The following ANKFN1 variants were observed in gnomAD, a reference collection of about 807,000 sequenced individuals.
ANKFN1 encodes ankyrin repeat and fibronectin type III domain containing 1, also known as ankyrin repeat and fibronectin type-III domain-containing protein 1.
A neutral mutation model predicts 108.7 loss-of-function variants in ANKFN1; 74 were observed. The ratio of observed to expected loss-of-function variants is 0.68; its 90% CI spans 0.56 to 0.83. ANKFN1 has a LOEUF of 0.83. ANKFN1 is among the 40% of genes least tolerant of loss of function. The probability of loss-of-function intolerance (pLI) is 0.00; values close to 1 mark genes in which losing one functional copy is unlikely to be tolerated. For missense variants in ANKFN1, 1,505 were observed against 1,382.3 expected, an observed-to-expected ratio of 1.09 and a Z score of -1.41; for synonymous variants, 547 against 516.2, an observed-to-expected ratio of 1.06 and a Z score of -0.81.
intron 3 of ANKFN1, among the ~76,000 whole-genome samples, chr17:56,291,958 T>C (rs1226106847): frequency 1.3e-5 from 2 of 152,194 alleles, no homozygotes; most frequent in Non-Finnish European, 2.9e-5. Flanking sequence ...CTAAAGTTTA[T>C]GACAAATTTT....
intron 8 of ANKFN1, among the ~76,000 whole-genome samples, chr17:56,388,297 C>T (rs970880403): frequency 2.6e-5 from 4 of 152,010 alleles, no homozygotes; most frequent in African/African-American, 9.7e-5. Flanking sequence ...TAGGTGCACA[C>T]TACCACTGCC....
At chr17:56,327,949 C>A (rs1226282680) in intron 4 of ANKFN1, among the ~76,000 whole-genome samples, 1 of 152,038 alleles carries the variant, frequency 6.6e-6, no homozygotes. Flanking sequence ...GATACATGTC[C>A]CTTCCCTCAT....
At chr17:56,382,783 C>A (rs1289193172) in intron 8 of ANKFN1, among the ~76,000 whole-genome samples, 2 of 152,144 alleles carry the variant, frequency 1.3e-5, no homozygotes, top group East Asian at 3.9e-4. Flanking sequence ...AGCTAACTCT[C>A]CTAAATATAT....
At chr17:56,508,958 A>C (rs2051658720) in intron 20 of ANKFN1, among the ~76,000 whole-genome samples, 1 of 152,316 alleles carries the variant, frequency 6.6e-6, no homozygotes, top group East Asian at 1.9e-4. Flanking sequence ...CTGCCCCAAG[A>C]GTAATTAAAT....
chr17:56,188,581 G>GTGTGTGTGTGTGTATA (rs1212242378), intron 1 of ANKFN1, among the ~76,000 whole-genome samples: 2 of 49,648 alleles, frequency 4.0e-5, no homozygotes, highest in African/African-American at 2.0e-4. Flanking sequence ...GTGTGTGTGT[G>GTGTGTGTGTGTGTATA]TATATATATA....
intron 3 of ANKFN1, chr17:56,323,647 G>A (rs932558718): frequency 1.3e-5 from 2 of 152,266 alleles, no homozygotes; most frequent in African/African-American, 4.8e-5. Flanking sequence ...GACATACCAA[G>A]AGAACTTTAA....
intron 4 of ANKFN1, among the ~76,000 whole-genome samples, chr17:56,088,300 G>T (rs1300890128): frequency 6.6e-6 from 1 of 151,264 alleles, no homozygotes; most frequent in Non-Finnish European, 1.5e-5. Context: ...AATTTTAGAG[G>T]AATGAGGAGG....
chr17:56,480,581 A>G, intron 16 of ANKFN1, 87 bp from the exon 17 acceptor site: 1 of 1,381,206 alleles, frequency 7.2e-7, no homozygotes, highest in South Asian at 1.3e-5. Context: ...TTGGTTATCC[A>G]GGTTCTGGAC....
At chr17:56,363,611 G>A (rs11079225) in intron 6 of ANKFN1, among the ~76,000 whole-genome samples, 82,965 of 152,076 alleles carry the variant, frequency 0.55, 27,180 homozygotes, top group East Asian at 0.95. Flanking sequence ...TCAAAGAGAT[G>A]TCTGCACTTC....
intron 8 of ANKFN1, among the ~76,000 whole-genome samples, chr17:56,389,078 T>C (rs1205632753): frequency 6.7e-6 from 1 of 150,096 alleles, no homozygotes; most frequent in Admixed American, 6.6e-5. Flanking sequence ...CCCAGAAAAA[T>C]GAAAGTTTAC....
chr17:56,085,948 A>T (rs1419834899), intron 4 of ANKFN1, among the ~76,000 whole-genome samples: 2 of 151,448 alleles, frequency 1.3e-5, no homozygotes, highest in Non-Finnish European at 3.0e-5. Context: ...TTGTTAGAAG[A>T]TGCAAAAGAA....
At chr17:56,360,113 A>C (rs1270228776) in intron 6 of ANKFN1, among the ~76,000 whole-genome samples, 2 of 152,316 alleles carry the variant, frequency 1.3e-5, no homozygotes, top group East Asian at 3.9e-4. Context: ...AGCCTTAGAC[A>C]GGTCTCTATA....
chr17:56,205,915 C>G (rs1207387938), intron 1 of ANKFN1, among the ~76,000 whole-genome samples: 1 of 152,142 alleles, frequency 6.6e-6, no homozygotes, highest in Non-Finnish European at 1.5e-5. Flanking sequence ...CTTTCCTCTT[C>G]ATACATCCTC....
intron 4 of ANKFN1, among the ~76,000 whole-genome samples, chr17:56,091,444 A>G (rs1343946810): frequency 6.6e-6 from 1 of 150,508 alleles, no homozygotes; most frequent in East Asian, 1.9e-4. Context: ...ACACACACAC[A>G]CACACACACA....
At chr17:56,217,691 A>G (rs1915520548) in intron 2 of ANKFN1, among the ~76,000 whole-genome samples, 1 of 150,472 alleles carries the variant, frequency 6.6e-6, no homozygotes, top group Non-Finnish European at 1.5e-5. Context: ...TTATTTTCCC[A>G]CTGTTATGAG....
intron 3 of ANKFN1, among the ~76,000 whole-genome samples, chr17:56,229,576 T>C (rs1264353937): frequency 1.4e-5 from 2 of 147,148 alleles, no homozygotes; most frequent in African/African-American, 5.1e-5. Flanking sequence ...TTTAAGTCAC[T>C]ATATGTAAAT....
At chr17:56,309,612 A>G (rs1567903205) in intron 3 of ANKFN1, among the ~76,000 whole-genome samples, 2 of 152,122 alleles carry the variant, frequency 1.3e-5, no homozygotes, top group South Asian at 4.1e-4. Flanking sequence ...TTGTGGTACA[A>G]TGGTGCCCTT....
chr17:56,350,883 G>A lies in ANKFN1; in HGVS notation c.306G>A (p.Glu102=), dbSNP rs1273376120. The A allele has an allele frequency of 1.2e-6, 2 of 1,613,798 alleles. No homozygotes were observed. Among genetic ancestry groups the A allele is most frequent in the Admixed American group, 3.3e-5 (2 of 59,938 alleles). Residue 102 remains glutamate, a synonymous_variant, in exon 5 of 21, where the codon GAG becomes GAA. Transcript: ENST00000682825. ...AAKRLYRNLS[E]KLKGSHSSFD... is the part of the protein sequence containing the mutation. ...AACGCCTGTACAGGAACCTCTCTGA[G>A]AAACTGAAAGGGAGCCACTCTTCCT...
intron 1 of ANKFN1, among the ~76,000 whole-genome samples, chr17:56,166,421 C>T (rs564009803): frequency 3.9e-5 from 6 of 152,284 alleles, no homozygotes; most frequent in East Asian, 1.9e-4. Context: ...TCATCCATGC[C>T]GTCACTTCCA....
Sources: gnomAD v4.1 joint callset for allele counts (sites outside exome capture counted in the v4.1 genomes callset) on GRCh38, gnomAD v4.1.1 for gene constraint, MANE v1.5 for transcripts, NCBI Gene and HGNC (gene_info 2026-07-23, HGNC 2026-07-21) for gene names.